The following MOXD1 variants were observed in gnomAD, a reference collection of about 807,000 sequenced individuals.
The protein encoded by MOXD1 is DBH-like monooxygenase protein 1.
Under a neutral mutation model 66.6 loss-of-function variants are expected in MOXD1, and 62 were observed. That is an observed-to-expected ratio of 0.93 (90% confidence interval 0.76 to 1.15). The LOEUF is 1.15. Ranked by LOEUF, MOXD1 falls within the 50% of genes most tolerant of loss-of-function variation. The pLI, the probability that MOXD1 is intolerant of heterozygous loss-of-function variation, is 0.00. For synonymous variants in MOXD1, 303 were observed against 281.9 expected, an observed-to-expected ratio of 1.07 and a Z score of -0.75; for missense variants, 847 against 754.6, an observed-to-expected ratio of 1.12 and a Z score of -1.44.
chr6:132,349,652 C>A (rs943375214), intron 4 of MOXD1, among the ~76,000 whole-genome samples: 3 of 151,442 alleles, frequency 2.0e-5, no homozygotes, highest in African/African-American at 7.3e-5. Context: ...GTGAGACCAC[C>A]AGATCAAATG....
Position 132,346,916 on chromosome 6 carries a change from C to T in MOXD1, c.664-18322G>A, listed in dbSNP as rs80026094. 3.9e-3 allele frequency among the ~76,000 whole-genome samples: 589 copies of T among 152,238 alleles called. 3 individuals are homozygous for T. Among genetic ancestry groups the T allele is most frequent in the Middle Eastern group, 0.027 (8 of 294 alleles). On this transcript the variant is annotated intron_variant, in intron 4 of 11. Coordinates refer to ENST00000367963, the MANE Select transcript of MOXD1 (RefSeq NM_015529.4). Reference sequence around the variant, plus strand: ...TCTCATCCAACAAGCATTTACTAAACGCTATAAGAAACTGTACCCAAGGCT... The same window carrying T: ...TCTCATCCAACAAGCATTTACTAAATGCTATAAGAAACTGTACCCAAGGCT...
intron 1 of MOXD1, among the ~76,000 whole-genome samples, chr6:132,381,704 G>A (rs1255099336): frequency 6.6e-6 from 1 of 152,148 alleles, no homozygotes; most frequent in African/African-American, 2.4e-5. Context: ...TCAATGGATA[G>A]GTTATTGTGT....
At chr6:132,374,808 A>G (rs370313496) in intron 1 of MOXD1, 31 bp from the exon 2 acceptor site, 57 of 1,581,954 alleles carry the variant, frequency 3.6e-5, no homozygotes, top group Non-Finnish European at 4.8e-5. Context: ...AAAAATCAGG[A>G]TACCTAAATA....
chr6:132,325,077 T>C (rs1775160414), intron 6 of MOXD1: 1 of 152,180 alleles, frequency 6.6e-6, no homozygotes, highest in Non-Finnish European at 1.5e-5. Context: ...AGGAAATTCT[T>C]ACCTCTCAAC....
At position 132,349,480 on chromosome 6, in the gene MOXD1, T is replaced by C. The variant is rs1191715506; in HGVS notation, c.664-20886A>G. On this transcript the variant is annotated intron_variant, in intron 4 of 11. Coordinates refer to ENST00000367963, the MANE Select transcript of MOXD1 (RefSeq NM_015529.4). Reference sequence around the variant, plus strand: ...ATATATATATACATATATATATATATACATATATATATATACCACAGTTTC... The same window carrying C: ...ATATATATATACATATATATATATACACATATATATATATACCACAGTTTC... Among the ~76,000 whole-genome samples, 17 of 37,990 alleles carry C rather than the reference T, an allele frequency of 4.5e-4. 2 individuals carry two copies. Among genetic ancestry groups the C allele is most frequent in the South Asian group, 2.2e-3 (2 of 906 alleles). The allele number at this position is 37,990 out of a possible 152,430, so 24.9% of individuals were successfully genotyped here.
At chr6:132,339,855 G>T (rs1420044937) in intron 4 of MOXD1, among the ~76,000 whole-genome samples, 1 of 149,548 alleles carries the variant, frequency 6.7e-6, no homozygotes, top group Non-Finnish European at 1.5e-5. Context: ...AGCTCAAAAT[G>T]AAGCTACAGC....
At chr6:132,372,557 T>A (rs557592545) in intron 4 of MOXD1, 51 bp downstream of exon 4, 2 of 1,446,554 alleles carry the variant, frequency 1.4e-6, no homozygotes, top group African/African-American at 2.8e-5. Flanking sequence ...TAACATCAAT[T>A]TATTTTTCCA....
At chr6:132,391,420 A>G (rs968277895) in intron 1 of MOXD1, 1 of 152,212 alleles carries the variant, frequency 6.6e-6, no homozygotes, top group Non-Finnish European at 1.5e-5. Context: ...TATATGCTAT[A>G]TGGTGTCCTT....
intron 10 of MOXD1, among the ~76,000 whole-genome samples, chr6:132,307,372 G>C (rs752057973): frequency 1.3e-5 from 2 of 152,194 alleles, no homozygotes; most frequent in African/African-American, 2.4e-5. Context: ...CATAAAACAA[G>C]TTCTTAGAGA....
At chr6:132,398,893 G>C (rs1221226951) in intron 1 of MOXD1, among the ~76,000 whole-genome samples, 1 of 135,852 alleles carries the variant, frequency 7.4e-6, no homozygotes, top group African/African-American at 2.8e-5. Flanking sequence ...AGCCGAGATT[G>C]CACCAGTGCA....
Position 132,315,758 on chromosome 6 carries a change from C to T in MOXD1, c.1385G>A (p.Ser462Asn). 1 of 1,613,502 alleles carries T rather than the reference C, an allele frequency of 6.2e-7. No individual in the cohort carries two copies. Among genetic ancestry groups the T allele is most frequent in the East Asian group, 2.2e-5 (1 of 44,832 alleles). The change falls in exon 10 of 12, where the codon AGT becomes AAT. Residue 462 changes from serine (S) to asparagine (N), a missense_variant. By Grantham distance (46) the Ser-to-Asn change is conservative. Transcript: ENST00000367963. ...AAGAAGGTATGAGAGACACATTTCACTCCTGGTGCTTAGTCCTCCCTGAAA... is the reference window on the plus strand; with the variant it reads ...AAGAAGGTATGAGAGACACATTTCATTCCTGGTGCTTAGTCCTCCCTGAAA... The part of the protein sequence containing the change: ...EMTWGGLSTR[S>N]EMCLSYLLYY...
Position 132,373,015 on chromosome 6 carries a change from G to T in MOXD1, c.412-18C>A, listed in dbSNP as rs772275275. ...GTGCTATCCTGGGGATCAGACATGG[G>T]CATGATTAGGTCTCATGAGAGCACT... On this transcript the variant is annotated intron_variant, in intron 2 of 11. Transcript: ENST00000367963. 1.2e-6 allele frequency: 2 copies of T among 1,600,202 alleles called. No individual in the cohort carries two copies.
At chr6:132,367,115 T>G (rs939080382) in intron 4 of MOXD1, among the ~76,000 whole-genome samples, 6 of 152,004 alleles carry the variant, frequency 3.9e-5, no homozygotes, top group African/African-American at 1.4e-4. Flanking sequence ...TGACAGTGTT[T>G]TACCTCAACT....
rs1312689048 is a variant in MOXD1, at chr6:132,322,863, T to C, written c.1121A>G (p.Glu374Gly). 3.1e-6 allele frequency: 5 copies of C among 1,612,844 alleles called. No individual in the cohort carries two copies. The highest frequency in any genetic ancestry group is 4.2e-6 in the Non-Finnish European group (5 of 1,179,494). ...CTLECLEEAL[E>G]AEKPSGIHVF... ...ATGAATTCCACTTGGCTTTTCGGCTTCCAGAGCCTACAGGAGACACCGAGG... is the reference window on the plus strand; with the variant it reads ...ATGAATTCCACTTGGCTTTTCGGCTCCCAGAGCCTACAGGAGACACCGAGG... The change falls in exon 8 of 12, where the codon GAA (glutamate) becomes GGA (glycine). Residue 374 changes from glutamate (E) to glycine (G), a missense_variant. Physicochemically the swap from Glu to Gly is moderately conservative, Grantham distance 98. Transcript: ENST00000367963.
In MOXD1 at chr6:132,401,448, C is replaced by G; in HGVS notation, c.-22G>C. 2.7e-6 allele frequency: 4 copies of G among 1,467,140 alleles called. No individual in the cohort carries two copies. The highest frequency in any genetic ancestry group is 3.6e-6 in the Non-Finnish European group (4 of 1,115,992). The allele number at this position is 1,467,140 out of a possible 1,614,324, so 90.9% of individuals were successfully genotyped here. ...ACATCCTCGGGCGCCTCCTGCCCGCCGGTACCGGCCTCCAGCCGCTGGGGA... is the reference window on the plus strand; with the variant it reads ...ACATCCTCGGGCGCCTCCTGCCCGCGGGTACCGGCCTCCAGCCGCTGGGGA... On this transcript the variant is annotated 5_prime_UTR_variant, in exon 1 of 12. Coordinates refer to ENST00000367963, the MANE Select transcript of MOXD1 (RefSeq NM_015529.4).
chr6:132,336,000 G>A (rs920292155), intron 4 of MOXD1, among the ~76,000 whole-genome samples: 7 of 152,144 alleles, frequency 4.6e-5, no homozygotes, highest in Non-Finnish European at 8.8e-5. Flanking sequence ...CAATATGTGA[G>A]AAACACAGGG....
chr6:132,391,378 C>T (rs1776759804), intron 1 of MOXD1: 2 of 152,072 alleles, frequency 1.3e-5, no homozygotes, highest in Admixed American at 1.3e-4. Context: ...AAAAATTATC[C>T]ATTTGAAATT....
At chr6:132,310,350 T>C (rs1774801247) in intron 10 of MOXD1, among the ~76,000 whole-genome samples, 1 of 152,180 alleles carries the variant, frequency 6.6e-6, no homozygotes, top group African/African-American at 2.4e-5. Context: ...TAACAACAGA[T>C]GCTGGCGAGT....
intron 10 of MOXD1, among the ~76,000 whole-genome samples, chr6:132,306,482 G>A (rs1395277006): frequency 1.3e-5 from 2 of 151,986 alleles, no homozygotes; most frequent in Non-Finnish European, 2.9e-5. Context: ...TAAAAGACAG[G>A]CCAACATGCA....
Sources: allele counts gnomAD v4.1 joint callset (sites outside exome capture counted in the v4.1 genomes callset), GRCh38; gene constraint gnomAD v4.1.1; transcripts MANE v1.5; gene names NCBI Gene and HGNC (gene_info 2026-07-23, HGNC 2026-07-21).